The following ADAMTS16 variants were observed in gnomAD, a reference collection of about 807,000 sequenced individuals.
The protein encoded by ADAMTS16 is ADAM metallopeptidase with thrombospondin type 1 motif 16.
ADAMTS16 carries 94 observed loss-of-function variants against 145.8 expected under a neutral mutation model. The ratio of observed to expected loss-of-function variants is 0.64; its 90% CI spans 0.55 to 0.77. The LOEUF (loss-of-function observed/expected upper bound fraction) is 0.77. ADAMTS16 is among the 30% of genes least tolerant of loss of function. The pLI, the probability that ADAMTS16 is intolerant of heterozygous loss-of-function variation, is 0.00. For missense variants in ADAMTS16, 1,585 were observed against 1,591.5 expected (o/e 1.00, Z 0.07); for synonymous variants, 659 against 604.3 (o/e 1.09, Z -1.33).
intron 18 of ADAMTS16, among the ~76,000 whole-genome samples, chr5:5,272,563 C>A (rs1410824158): frequency 6.6e-6 from 1 of 151,872 alleles, no homozygotes; most frequent in Non-Finnish European, 1.5e-5. Flanking sequence ...GATGGGGTTT[C>A]ACTGTGTTAG....
At chr5:5,189,855 C>A in intron 6 of ADAMTS16, 116 bp from the exon 7 acceptor site, 1 of 1,299,308 alleles carries the variant, frequency 7.7e-7, no homozygotes, top group South Asian at 1.3e-5. Flanking sequence ...ATATGCCATC[C>A]AGATCCAGCC....
Position 5,320,118 on chromosome 5 carries a change from T to C in ADAMTS16, c.*980T>C. On this transcript the variant is annotated 3_prime_UTR_variant, in exon 23 of 23. Transcript: ENST00000274181. This position sits in a 1 kb window ranked among gnomAD's most constrained non-coding sequence, Gnocchi z 5.1. ...TTTTCGGTGAGTCTGGCCATTTCTA[T>C]AATGCCAGGTGGGAAGCCAGGCTGC... 3 of 324,012 alleles carry C rather than the reference T, an allele frequency of 9.3e-6. No homozygotes were observed. The highest frequency in any genetic ancestry group is 1.7e-5 in the Non-Finnish European group (3 of 172,374). The allele number at this position is 324,012 out of a possible 1,614,324, so 20.1% of individuals were successfully genotyped here. A position where few individuals can be genotyped will look rare whatever the true frequency, so the allele number is the denominator to read the frequency against.
intron 8 of ADAMTS16, 21 bp from the exon 9 acceptor site, chr5:5,200,111 C>A: frequency 6.4e-7 from 1 of 1,567,638 alleles, no homozygotes; most frequent in African/African-American, 1.3e-5. Flanking sequence ...AGAACCATCT[C>A]TCTCTCTCTC....
chr5:5,251,128 CATAA>C (rs1324246311), intron 17 of ADAMTS16, among the ~76,000 whole-genome samples: 2 of 152,172 alleles, frequency 1.3e-5, no homozygotes, highest in Non-Finnish European at 2.9e-5. Flanking sequence ...TTGCGAATGT[CATAA>C]ATAAATGGAA....
chr5:5,306,426 A>G, intron 20 of ADAMTS16, 78 bp from the exon 21 acceptor site: 2 of 1,225,402 alleles, frequency 1.6e-6, no homozygotes, highest in Non-Finnish European at 1.2e-6. Flanking sequence ...TCAAGCAGAT[A>G]TCTCTGATAT....
chr5:5,247,652 C>T (rs1384641408), intron 17 of ADAMTS16, among the ~76,000 whole-genome samples: 1 of 152,246 alleles, frequency 6.6e-6, no homozygotes, highest in African/African-American at 2.4e-5. Context: ...TCTTCTCCAC[C>T]TTCGCTGTGC....
At chr5:5,155,551 A>G (rs1485892592) in intron 3 of ADAMTS16, among the ~76,000 whole-genome samples, 2 of 152,128 alleles carry the variant, frequency 1.3e-5, no homozygotes, top group South Asian at 2.1e-4. Context: ...CTAAGGGGAG[A>G]GTTTGGGATT....
intron 3 of ADAMTS16, among the ~76,000 whole-genome samples, chr5:5,171,086 A>G (rs1735030779): frequency 6.6e-6 from 1 of 152,198 alleles, no homozygotes; most frequent in African/African-American, 2.4e-5. Context: ...TTGTTAGCAT[A>G]TAGAAATGCT....
In ADAMTS16 at chr5:5,209,096, C is replaced by G. The variant is rs373395647; in HGVS notation, c.1455C>G (p.Thr485=). The G allele has an allele frequency of 3.1e-6, 5 of 1,612,410 alleles. No homozygotes were observed. The Admixed American group carries it at 6.7e-5, about 22-fold the overall frequency. The change falls in exon 10 of 23, where the codon ACC becomes ACG. Residue 485 remains threonine, a synonymous_variant. Transcript: ENST00000274181. ...SRQYLHKFLS[T]AQAICLADQP... ...GCTCATCTCCTCTTTGTTTCAGCAC[C>G]GCTCAAGCTATCTGCCTTGCTGATC...
chr5:5,198,478 C>T (rs1735868931), intron 8 of ADAMTS16, among the ~76,000 whole-genome samples: 1 of 152,140 alleles, frequency 6.6e-6, no homozygotes, highest in South Asian at 2.1e-4. Flanking sequence ...TCAGGTTACA[C>T]TATTACATGA....
At chr5:5,265,761 C>T (rs1305226526) in intron 18 of ADAMTS16, among the ~76,000 whole-genome samples, 1 of 152,178 alleles carries the variant, frequency 6.6e-6, no homozygotes, top group African/African-American at 2.4e-5. Context: ...GCTCCCCGGA[C>T]AGTGGGGTCT....
intron 18 of ADAMTS16, among the ~76,000 whole-genome samples, chr5:5,271,840 T>G (rs940927411): frequency 2.0e-5 from 3 of 152,278 alleles, no homozygotes; most frequent in African/African-American, 7.2e-5. Context: ...TGTAGCCCCG[T>G]CTCCACTTGA....
chr5:5,285,365 G>A (rs1296535629), intron 18 of ADAMTS16, among the ~76,000 whole-genome samples: 2 of 152,324 alleles, frequency 1.3e-5, no homozygotes, highest in African/African-American at 4.8e-5. Flanking sequence ...AGTGGCCACT[G>A]TGCCCACATC....
rs1035244476 is a variant in ADAMTS16, at chr5:5,191,968, C to T, written c.1313+178C>T. Among the ~76,000 whole-genome samples the T allele has an allele frequency of 8.6e-5, 13 of 151,614 alleles. No homozygotes were observed. The East Asian group carries it at 1.7e-3, about 20-fold the overall frequency. Reference sequence around the variant, plus strand: ...GGACTTCTGTTTCTATGTCCCACATCGTGCAAATTTTATTTTTATTTATTT... The same window carrying T: ...GGACTTCTGTTTCTATGTCCCACATTGTGCAAATTTTATTTTTATTTATTT... On this transcript the variant is annotated intron_variant, in intron 8 of 22. Transcript: ENST00000274181.
intron 17 of ADAMTS16, 53 bp from the exon 18 acceptor site, chr5:5,262,604 T>A (rs1738070351): frequency 1.3e-6 from 2 of 1,575,962 alleles, no homozygotes; most frequent in Non-Finnish European, 1.7e-6. Flanking sequence ...ATCTGCCTTT[T>A]ACTGTGGGGC....
chr5:5,291,752 C>A (rs894819179), intron 18 of ADAMTS16, among the ~76,000 whole-genome samples: 7 of 149,092 alleles, frequency 4.7e-5, no homozygotes, highest in African/African-American at 1.7e-4. Flanking sequence ...TCACAAAGAA[C>A]TTTGATTTGT....
At chr5:5,152,005 C>A (rs1734477452) in intron 3 of ADAMTS16, among the ~76,000 whole-genome samples, 1 of 152,136 alleles carries the variant, frequency 6.6e-6, no homozygotes, top group East Asian at 1.9e-4. Context: ...TAGTATTTGT[C>A]TTTCTGTGTC....
intron 2 of ADAMTS16, among the ~76,000 whole-genome samples, chr5:5,143,746 G>C (rs145359487): frequency 1.3e-5 from 2 of 152,106 alleles, no homozygotes; most frequent in Non-Finnish European, 2.9e-5. Flanking sequence ...CCGTCAATGA[G>C]AGACTGGATA....
At chr5:5,306,356 G>A in intron 20 of ADAMTS16, 148 bp from the exon 21 acceptor site, 1 of 707,148 alleles carries the variant, frequency 1.4e-6, no homozygotes, top group Non-Finnish European at 2.3e-6. Context: ...ATTCTATAAT[G>A]TCTCTTAAAA....
Sources: gnomAD v4.1 joint callset for allele counts (sites outside exome capture counted in the v4.1 genomes callset) on GRCh38, gnomAD v4.1.1 for gene constraint, Gnocchi (gnomAD v3.1) non-coding constraint, MANE v1.5 for transcripts, NCBI Gene and HGNC (gene_info 2026-07-23, HGNC 2026-07-21) for gene names.